INSR: variants seen among roughly 807,000 people sequenced by gnomAD.
The protein encoded by INSR is insulin receptor.
A neutral mutation model predicts 142.6 loss-of-function variants in INSR; 67 were observed. That is an observed-to-expected ratio of 0.47 (90% CI 0.39 to 0.58). INSR has a LOEUF of 0.58. Ranked by LOEUF, INSR falls within the 20% of genes least tolerant of loss-of-function variation. The pLI, the probability that INSR is intolerant of heterozygous loss-of-function variation, is 0.00. For synonymous variants in INSR, 756 were observed against 743.1 expected (o/e 1.02, Z -0.28); for missense variants, 1,248 against 1,833.2 (o/e 0.68, Z 5.83).
intron 11 of INSR, among the ~76,000 whole-genome samples, chr19:7,148,964 T>C (rs1023002140): frequency 6.7e-6 from 1 of 149,918 alleles, no homozygotes; most frequent in African/African-American, 2.5e-5. Context: ...CCGGCTAATT[T>C]TTATGTTTCT....
At chr19:7,165,638 G>A (rs1892377347) in intron 8 of INSR, among the ~76,000 whole-genome samples, 2 of 152,120 alleles carry the variant, frequency 1.3e-5, no homozygotes, top group Admixed American at 1.3e-4. Flanking sequence ...CGAGGCAGGA[G>A]GATCACTTGA....
intron 2 of INSR, among the ~76,000 whole-genome samples, chr19:7,243,075 C>T (rs1241537982): frequency 1.3e-5 from 2 of 151,906 alleles, no homozygotes; most frequent in Non-Finnish European, 2.9e-5. Flanking sequence ...GCACAGACTC[C>T]AGATGGCAGA....
At chr19:7,184,915 A>G (rs1344373924) in intron 2 of INSR, among the ~76,000 whole-genome samples, 1 of 152,182 alleles carries the variant, frequency 6.6e-6, no homozygotes, top group Non-Finnish European at 1.5e-5. Flanking sequence ...CCAGATTTAT[A>G]TAGCATTTGC....
chr19:7,187,150 C>T (rs1022308731), intron 2 of INSR, among the ~76,000 whole-genome samples: 9 of 151,918 alleles, frequency 5.9e-5, no homozygotes, highest in Admixed American at 1.3e-4. Context: ...GACTCGATCT[C>T]GGCTCACTGC....
intron 17 of INSR, among the ~76,000 whole-genome samples, chr19:7,124,541 GAAAAAAAAA>G (rs531613079): frequency 3.0e-4 from 3 of 9,920 alleles, no homozygotes; most frequent in Admixed American, 2.3e-3. Flanking sequence ...TCCGTTTCAG[GAAAAAAAAA>G]AAAAAAAAAA....
At chr19:7,132,357 T>C in intron 13 of INSR, 40 bp from the exon 14 acceptor site, 1 of 1,605,046 alleles carries the variant, frequency 6.2e-7, no homozygotes, top group East Asian at 2.2e-5. Flanking sequence ...TGGCTGAGCT[T>C]TGCACATCTG....
At chr19:7,237,553 C>T (rs1005197252) in intron 2 of INSR, among the ~76,000 whole-genome samples, 2 of 151,960 alleles carry the variant, frequency 1.3e-5, no homozygotes, top group Admixed American at 6.6e-5. Context: ...TGGTGGCTCA[C>T]GCCTGTAATC....
intron 10 of INSR, among the ~76,000 whole-genome samples, chr19:7,151,465 T>TC (rs1973358342): frequency 6.7e-6 from 1 of 148,854 alleles, no homozygotes. Flanking sequence ...TTTTCCTTTT[T>TC]TAGTAGAGAT....
At chr19:7,275,487 T>C (rs544325652) in intron 1 of INSR, among the ~76,000 whole-genome samples, 1 of 151,736 alleles carries the variant, frequency 6.6e-6, no homozygotes, top group Non-Finnish European at 1.5e-5. Context: ...AAAGTGAAAA[T>C]AAAATTCAGT....
Position 7,160,230 on chromosome 19 carries a change from T to C in INSR, c.2029+2802A>G, listed in dbSNP as rs1249705194. 5.9e-5 allele frequency among the ~76,000 whole-genome samples: 9 copies of C among 152,100 alleles called. No individual in the cohort carries two copies. In the South Asian group the frequency reaches 1.7e-3, roughly 28 times the overall value. On this transcript the variant is annotated intron_variant, in intron 9 of 21. Transcript: ENST00000302850. ...AGTGCAATGGTGCAAGCTCGGCTCATTGCAACCTCCACCTCCCGGGTTCAA... is the reference window on the plus strand; with the variant it reads ...AGTGCAATGGTGCAAGCTCGGCTCACTGCAACCTCCACCTCCCGGGTTCAA...
intron 13 of INSR, among the ~76,000 whole-genome samples, chr19:7,135,570 C>T (rs1264356505): frequency 1.4e-5 from 2 of 146,718 alleles, no homozygotes; most frequent in African/African-American, 5.2e-5. Flanking sequence ...GGTGACACAC[C>T]ATGACTCTGT....
At chr19:7,236,465 C>G (rs10221475) in intron 2 of INSR, among the ~76,000 whole-genome samples, 1 of 152,240 alleles carries the variant, frequency 6.6e-6, no homozygotes, top group Non-Finnish European at 1.5e-5. Context: ...AACTAAATGT[C>G]GTCTCTCCAC....
chr19:7,198,013 C>A (rs111471425), intron 2 of INSR, among the ~76,000 whole-genome samples: 1 of 145,070 alleles, frequency 6.9e-6, no homozygotes, highest in African/African-American at 2.6e-5. Flanking sequence ...GGTGGGCGAG[C>A]GTGTGTGTGT....
At chr19:7,276,415 G>T (rs72988615) in intron 1 of INSR, among the ~76,000 whole-genome samples, 19,159 of 151,722 alleles carry the variant, frequency 0.13, 1,358 homozygotes, top group Middle Eastern at 0.17. Context: ...TGTGCTGGGA[G>T]TATGGGTGTG....
intron 1 of INSR, among the ~76,000 whole-genome samples, chr19:7,275,918 C>T (rs568060363): frequency 6.6e-6 from 1 of 152,076 alleles, no homozygotes; most frequent in African/African-American, 2.4e-5. Flanking sequence ...TGTATTGGAC[C>T]GTGCTGGTCC....
intron 3 of INSR, among the ~76,000 whole-genome samples, chr19:7,176,702 G>A (rs1301185273): frequency 6.6e-6 from 1 of 152,160 alleles, no homozygotes; most frequent in Non-Finnish European, 1.5e-5. Context: ...ACGATTGTAA[G>A]TTTCCTGAGG....
At chr19:7,144,552 C>T (rs188336191) in intron 11 of INSR, among the ~76,000 whole-genome samples, 150 of 152,138 alleles carry the variant, frequency 9.9e-4, no homozygotes, top group Non-Finnish European at 9.7e-4. Flanking sequence ...TACAGGAGTC[C>T]GCCACCATGC....
At chr19:7,138,991 C>T (rs1973003513) in intron 13 of INSR, among the ~76,000 whole-genome samples, 1 of 152,170 alleles carries the variant, frequency 6.6e-6, no homozygotes, top group Non-Finnish European at 1.5e-5. Flanking sequence ...TGTACTTCCT[C>T]ATTCTGGGCT....
intron 2 of INSR, among the ~76,000 whole-genome samples, chr19:7,229,053 G>A (rs1186609515): frequency 6.6e-6 from 1 of 151,548 alleles, no homozygotes; most frequent in African/African-American, 2.4e-5. Context: ...GTGGATGTAT[G>A]GATGGATGAA....
Sources: allele counts gnomAD v4.1 joint callset (sites outside exome capture counted in the v4.1 genomes callset), GRCh38; gene constraint gnomAD v4.1.1; transcripts MANE v1.5; gene names NCBI Gene and HGNC (gene_info 2026-07-23, HGNC 2026-07-21).